The following DDX59 variants were observed in gnomAD, a reference collection of about 807,000 sequenced individuals.
The protein encoded by DDX59 is probable ATP-dependent RNA helicase DDX59.
DDX59 carries 30 observed loss-of-function variants against 51.9 expected under a neutral mutation model. The observed-to-expected ratio is 0.58, with a 90% CI of 0.43 to 0.78. DDX59 has a LOEUF of 0.78. Among genes scored for constraint, DDX59 ranks in the 30% least tolerant of loss-of-function variants. The pLI, the probability that DDX59 is intolerant of heterozygous loss-of-function variation, is 0.00. For missense variants in DDX59, 672 were observed against 730.8 expected (o/e 0.92, Z 0.93); for synonymous variants, 255 against 253.3 (o/e 1.01, Z -0.06).
In DDX59 at chr1:200,666,703, G is replaced by C. The variant is rs1423883364; in HGVS notation, c.38C>G (p.Ala13Gly). 6.2e-7 allele frequency: 1 copy of C among 1,612,814 alleles called. No individual in the cohort carries two copies. Among genetic ancestry groups the C allele is most frequent in the Non-Finnish European group, 8.5e-7 (1 of 1,178,962 alleles). Residue 13 changes from alanine to glycine, a missense_variant, in exon 2 of 8, where the codon GCT (alanine) becomes GGT (glycine). Physicochemically the swap from Ala to Gly is moderately conservative, Grantham distance 60. Coordinates refer to ENST00000331314, the MANE Select transcript of DDX59 (RefSeq NM_001031725.6). ...CACACAACTTTTGCCATCATCATTA[G>C]CATTCCTCTTGATTTTTAGAGATCT... Reference protein sequence around the residue: ...VPRSLKIKRNANDDGKSCVAK... With the variant: ...VPRSLKIKRNGNDDGKSCVAK...
chr1:200,659,895 G>C lies in DDX59; in HGVS notation c.973-779C>G, dbSNP rs185706455. Among the ~76,000 whole-genome samples, 157 of 152,214 alleles carry C rather than the reference G, an allele frequency of 1.0e-3. 2 individuals carry two copies. Among genetic ancestry groups the C allele is most frequent in the Non-Finnish European group, 2.0e-3 (139 of 68,000 alleles). Reference sequence around the variant, plus strand: ...GAGACAAGGTCTCTATGCTACCCAGGCTGGTCTCAAACTCCTGGGCTCAAG... The same window carrying C: ...GAGACAAGGTCTCTATGCTACCCAGCCTGGTCTCAAACTCCTGGGCTCAAG... On this transcript the variant is annotated intron_variant, in intron 3 of 7. Transcript: ENST00000331314.
At chr1:200,647,841 G>C (rs1403190115) in intron 7 of DDX59, among the ~76,000 whole-genome samples, 1 of 151,558 alleles carries the variant, frequency 6.6e-6, no homozygotes, top group African/African-American at 2.4e-5. Context: ...AGGTGTGGTG[G>C]TGGGCACCTG....
chr1:200,666,383 C>G lies in DDX59; in HGVS notation c.358G>C (p.Asp120His), dbSNP rs1435696747. 1 of 1,614,082 alleles carries G rather than the reference C, an allele frequency of 6.2e-7. No homozygotes were observed. Among genetic ancestry groups the G allele is most frequent in the East Asian group, 2.2e-5 (1 of 44,902 alleles). The stretch of plus-strand genomic sequence containing the variant: ...CTACACACATCTTCATCTGTCTTAT[C>G]ACAGATATACTCTCCATAACGACCA... ...VCGRYGEYICDKTDEDVCSLE... is the reference protein window; with the variant it reads ...VCGRYGEYICHKTDEDVCSLE... The change falls in exon 2 of 8, where the codon GAT becomes CAT. Residue 120 changes from aspartate to histidine, a missense_variant. By Grantham distance (81) the Asp-to-His change is moderately conservative (BLOSUM62 -1). Transcript: ENST00000331314.
At chr1:200,652,359 A>G (rs1661722980) in intron 4 of DDX59, among the ~76,000 whole-genome samples, 1 of 152,208 alleles carries the variant, frequency 6.6e-6, no homozygotes, top group Non-Finnish European at 1.5e-5. Context: ...GCTGTCATCC[A>G]TATTAAAATT....
At chr1:200,648,039 G>T (rs1391172011) in intron 7 of DDX59, among the ~76,000 whole-genome samples, 1 of 137,176 alleles carries the variant, frequency 7.3e-6, no homozygotes, top group Non-Finnish European at 1.6e-5. Flanking sequence ...TTGGGGGGGG[G>T]GAGGGGGGAA....
Position 200,663,954 on chromosome 1 carries a change from G to C in DDX59, c.937C>G (p.Pro313Ala), listed in dbSNP as rs755435026. The change falls in exon 3 of 8, where the codon CCC becomes GCC. Residue 313 changes from proline to alanine, a missense_variant. Coordinates refer to ENST00000331314, the MANE Select transcript of DDX59 (RefSeq NM_001031725.6). ...TVLLVGGLPL[P>A]PQLYRLQQHV... ...TGTTGCAGACGATAAAGCTGTGGGGGTAAGGGTAAGCCCCCTACAAGAAGC... is the reference window on the plus strand; with the variant it reads ...TGTTGCAGACGATAAAGCTGTGGGGCTAAGGGTAAGCCCCCTACAAGAAGC... 2 of 1,613,770 alleles carry C rather than the reference G, an allele frequency of 1.2e-6. No individual in the cohort carries two copies. The highest frequency in any genetic ancestry group is 4.5e-5 in the East Asian group (2 of 44,864).
downstream of DDX59, chr1:200,641,343 C>A: frequency 1.7e-5 from 9 of 528,464 alleles, no homozygotes; most frequent in South Asian, 4.7e-5. Flanking sequence ...CAGTGAGTCA[C>A]AGTTTAAATA....
rs1362728374 is a variant in DDX59, at chr1:200,669,892, T to TGGCGCGGGGC, written c.-138_-137insGCCCCGCGCC. Reference sequence around the variant, plus strand: ...CGTCAGGACTGCGGCCCGGGGTTGGTGGTGCGGAGCGGAGCGGAGCGGAGC... The same window carrying TGGCGCGGGGC: ...CGTCAGGACTGCGGCCCGGGGTTGGTGGCGCGGGGCGGTGCGGAGCGGAGCGGAGCGGAGC... On this transcript the variant is annotated 5_prime_UTR_variant, in exon 1 of 8. Transcript: ENST00000331314. 1 of 64,806 alleles carries TGGCGCGGGGC rather than the reference T, an allele frequency of 1.5e-5. No homozygotes were observed. The highest frequency in any genetic ancestry group is 5.9e-4 in the South Asian group (1 of 1,684). The allele number at this position is 64,806 out of a possible 1,614,324, so 4.0% of individuals were successfully genotyped here. A position where few individuals can be genotyped will look rare whatever the true frequency, so the allele number is the denominator to read the frequency against.
chr1:200,653,836 A>G lies in DDX59; in HGVS notation c.1063-3160T>C, dbSNP rs1244656732. Among the ~76,000 whole-genome samples the G allele has an allele frequency of 2.0e-5, 3 of 152,098 alleles. No homozygotes were observed. In the East Asian group the frequency reaches 5.8e-4, roughly 29 times the overall value. On this transcript the variant is annotated intron_variant, in intron 4 of 7. Coordinates refer to ENST00000331314, the MANE Select transcript of DDX59 (RefSeq NM_001031725.6). ...TCCTTCTCATTCATATCTTAGCATA[A>G]ATGTCATCTTCTCAGAGAGCTCTCC...
At position 200,666,180 on chromosome 1, in the gene DDX59, C is replaced by T; in HGVS notation, c.561G>A (p.Gln187=). The part of the protein sequence containing the change: ...LQEDQIENLK[Q]QLGILVQGQE... ...GCCCTTGAACTAAAATTCCCAGCTGCTGTTTAAGATTTTCAATCTGGTCTT... is the reference window on the plus strand; with the variant it reads ...GCCCTTGAACTAAAATTCCCAGCTGTTGTTTAAGATTTTCAATCTGGTCTT... Residue 187 remains glutamine, a synonymous_variant, in exon 2 of 8, where the codon CAG becomes CAA. Transcript: ENST00000331314. 6.2e-7 allele frequency: 1 copy of T among 1,614,162 alleles called. No individual in the cohort carries two copies. Among genetic ancestry groups the T allele is most frequent in the Non-Finnish European group, 8.5e-7 (1 of 1,180,036 alleles).
chr1:200,650,478 T>C lies in DDX59; in HGVS notation c.1261A>G (p.Ile421Val). 1 of 1,613,904 alleles carries C rather than the reference T, an allele frequency of 6.2e-7. No individual in the cohort carries two copies. The highest frequency in any genetic ancestry group is 1.3e-5 in the African/African-American group (1 of 75,038). ...NLPCANVRQI[I>V]LWVEDPAKKK... ...TTGGCTGGGTCTTCTACCCACAAAATAATCTGACGTACATTGGCACAAGGT... is the reference window on the plus strand; with the variant it reads ...TTGGCTGGGTCTTCTACCCACAAAACAATCTGACGTACATTGGCACAAGGT... Residue 421 changes from isoleucine (I) to valine (V), a missense_variant, in exon 5 of 8, where the codon ATT becomes GTT. Ile to Val is a conservative substitution (Grantham distance 29). Transcript: ENST00000331314.
intron 1 of DDX59, among the ~76,000 whole-genome samples, chr1:200,669,329 T>C (rs1378514190): frequency 2.0e-5 from 3 of 147,232 alleles, no homozygotes; most frequent in African/African-American, 7.5e-5. Context: ...ATTACTATCC[T>C]AAATCTCCGA....
chr1:200,648,140 C>T (rs1365794262), intron 7 of DDX59, among the ~76,000 whole-genome samples: 2 of 151,874 alleles, frequency 1.3e-5, no homozygotes, highest in African/African-American at 4.8e-5. Flanking sequence ...TTTCCTGCCT[C>T]AGCCTCCTGA....
chr1:200,668,069 C>A (rs796540386), intron 1 of DDX59, among the ~76,000 whole-genome samples: 4 of 151,920 alleles, frequency 2.6e-5, no homozygotes, highest in African/African-American at 9.7e-5. Context: ...GAGGCCGAGG[C>A]GGGCGGATCA....
At chr1:200,648,963 T>C (rs1661471217) in intron 6 of DDX59, 111 bp downstream of exon 6, 2 of 1,110,418 alleles carry the variant, frequency 1.8e-6, no homozygotes, top group Non-Finnish European at 2.5e-6. Flanking sequence ...GATGGTCTTG[T>C]AGTCATTAAA....
Position 200,650,552 on chromosome 1 carries a change from C to T in DDX59, c.1187G>A (p.Ser396Asn). The T allele has an allele frequency of 6.2e-7, 1 of 1,614,096 alleles. No individual in the cohort carries two copies. Among genetic ancestry groups the T allele is most frequent in the South Asian group, 1.1e-5 (1 of 91,080 alleles). ...TIPTSIEQLA[S>N]QLLHNPVRII... ...TCTCACAGGATTATGCAGAAGCTGG[C>T]TTGCTAGCTGTTCTATGCTAGTTGG... Residue 396 changes from serine to asparagine, a missense_variant, in exon 5 of 8, where the codon AGC becomes AAC. Ser to Asn is a conservative substitution (Grantham distance 46, BLOSUM62 1). Transcript: ENST00000331314.
intron 7 of DDX59, among the ~76,000 whole-genome samples, chr1:200,644,895 CAAAA>C (rs60033922): frequency 1.4e-4 from 11 of 80,978 alleles, no homozygotes; most frequent in Non-Finnish European, 2.3e-4. Flanking sequence ...GACTCCATCT[CAAAA>C]AAAAAAAAAA....
chr1:200,649,376 C>T (rs955744207), intron 5 of DDX59, 150 bp from the exon 6 acceptor site: 1 of 733,286 alleles, frequency 1.4e-6, no homozygotes, highest in Admixed American at 3.6e-5. Context: ...CACCTGTAAT[C>T]TCAGCACTTT....
chr1:200,659,443 C>T (rs1662240575), intron 3 of DDX59, among the ~76,000 whole-genome samples: 1 of 152,170 alleles, frequency 6.6e-6, no homozygotes, highest in Non-Finnish European at 1.5e-5. Flanking sequence ...GTATCTGTGA[C>T]ATTCCTGAGG....
Sources: gnomAD v4.1 joint callset for allele counts (sites outside exome capture counted in the v4.1 genomes callset) on GRCh38, gnomAD v4.1.1 for gene constraint, MANE v1.5 for transcripts, NCBI Gene and HGNC (gene_info 2026-07-23, HGNC 2026-07-21) for gene names.